ZNF384: variants seen among roughly 807,000 people sequenced by gnomAD.
ZNF384 encodes CAG repeat protein 1.
In ZNF384, 20 loss-of-function variants were observed where a neutral mutation model predicts 65.0. That is an observed-to-expected ratio of 0.31 (90% CI 0.22 to 0.45). The LOEUF (loss-of-function observed/expected upper bound fraction) is 0.45. Ranked by LOEUF, ZNF384 falls within the 20% of genes least tolerant of loss-of-function variation. The pLI is 1.00. For missense variants in ZNF384, 549 were observed against 769.4 expected (o/e 0.71, Z 3.39); for synonymous variants, 310 against 303.9 (o/e 1.02, Z -0.21).
Position 6,666,898 on chromosome 12 carries a change from T to G in ZNF384, c.*816A>C, listed in dbSNP as rs1052119914. On this transcript the variant is annotated 3_prime_UTR_variant, in exon 12 of 12. Transcript: ENST00000683879. ...CTAAGTCCAGTCCTTGCGTTTGCCTTGAACTCTCCCTTCTCCGCAACACCC... is the reference window on the plus strand; with the variant it reads ...CTAAGTCCAGTCCTTGCGTTTGCCTGGAACTCTCCCTTCTCCGCAACACCC... 5.2e-6 allele frequency: 1 copy of G among 192,808 alleles called. No individual in the cohort carries two copies. Among genetic ancestry groups the G allele is most frequent in the Non-Finnish European group, 1.1e-5 (1 of 92,326 alleles). The allele number at this position is 192,808 out of a possible 1,614,324, so 11.9% of individuals were successfully genotyped here.
chr12:6,686,965 A>G (rs527711574), intron 2 of ZNF384, among the ~76,000 whole-genome samples: 62 of 152,372 alleles, frequency 4.1e-4, no homozygotes, highest in African/African-American at 1.4e-3. Context: ...AAAGAACTTA[A>G]GACGCTATTG....
chr12:6,679,208 A>G, intron 3 of ZNF384, 25 bp from the exon 4 acceptor site: 2 of 1,544,278 alleles, frequency 1.3e-6, no homozygotes, highest in Non-Finnish European at 1.8e-6. Context: ...AGGGGACGGG[A>G]GCACCCTCTT....
At position 6,688,913 on chromosome 12, in the gene ZNF384, G is replaced by A. The variant is rs181873396; in HGVS notation, c.-66+185C>T. On this transcript the variant is annotated intron_variant, in intron 1 of 11. Transcript: ENST00000683879. ...CTGAACTCTGCCACCCACCAGACAG[G>A]CACCCGCCCCCTAAACCCCCCCATT... 2.3e-3 allele frequency: 356 copies of A among 152,808 alleles called. 1 individual carries two copies. The highest frequency in any genetic ancestry group is 9.9e-3 in the Middle Eastern group (3 of 302). The allele number at this position is 152,808 out of a possible 1,614,324, so 9.5% of individuals were successfully genotyped here. A position where few individuals can be genotyped will look rare whatever the true frequency, so the allele number is the denominator to read the frequency against.
intron 2 of ZNF384, among the ~76,000 whole-genome samples, chr12:6,687,726 A>G (rs1958471581): frequency 6.6e-6 from 1 of 151,950 alleles, no homozygotes; most frequent in Non-Finnish European, 1.5e-5. Context: ...CCACAGACCC[A>G]CTTCTAACAC....
chr12:6,682,829 A>G (rs745908907), intron 2 of ZNF384, among the ~76,000 whole-genome samples: 2 of 152,220 alleles, frequency 1.3e-5, no homozygotes, highest in Admixed American at 6.5e-5. Context: ...CCTAAGACAC[A>G]ATTACATATT....
rs1951963131 is a variant in ZNF384, at chr12:6,672,654, CA to C, written c.1005-123del. 10 of 921,908 alleles carry C rather than the reference CA, an allele frequency of 1.1e-5. No individual in the cohort carries two copies. Among genetic ancestry groups the C allele is most frequent in the Non-Finnish European group, 1.6e-5 (10 of 608,082 alleles). The allele number at this position is 921,908 out of a possible 1,614,324, so 57.1% of individuals were successfully genotyped here. A position where few individuals can be genotyped will look rare whatever the true frequency, so the allele number is the denominator to read the frequency against. On this transcript the variant is annotated intron_variant, in intron 8 of 11. Coordinates refer to ENST00000683879, the MANE Select transcript of ZNF384 (RefSeq NM_001385745.1). This position sits in a 1 kb window ranked among gnomAD's most constrained non-coding sequence, Gnocchi z 4.4. ...AGAGCACCCCCTTCCTCCCTCCTCC[CA>C]AAAACACTCCAGCCTGGATAGGCAA...
Position 6,673,914 on chromosome 12 carries a change from C to T in ZNF384, c.780-474G>A, listed in dbSNP as rs146046138. ...CCTGTCTCCATAGATAATTTTCTTC[C>T]CTCAGATTTTCCCCTACTTCCTTTT... On this transcript the variant is annotated intron_variant, in intron 7 of 11. Transcript: ENST00000683879. The surrounding 1 kb of genome is among the most constrained non-coding windows in gnomAD (Gnocchi z 4.7). Among the ~76,000 whole-genome samples, 18 of 152,104 alleles carry T rather than the reference C, an allele frequency of 1.2e-4. No individual in the cohort carries two copies. The East Asian group carries it at 3.5e-3, about 29-fold the overall frequency.
Position 6,678,024 on chromosome 12 carries a change from G to A in ZNF384, c.686+103C>T. ...GCAAGTGGCTCAGAGCTGGGAAGCT[G>A]TCAGAGTGTAGCGCCTGACCGGGGC... On this transcript the variant is annotated intron_variant, in intron 6 of 11. Transcript: ENST00000683879. The surrounding 1 kb of genome is among the most constrained non-coding windows in gnomAD (Gnocchi z 4.9). The A allele has an allele frequency of 1.8e-6, 2 of 1,117,796 alleles. No individual in the cohort carries two copies. The highest frequency in any genetic ancestry group is 1.3e-6 in the Non-Finnish European group (1 of 774,504). The allele number at this position is 1,117,796 out of a possible 1,614,324, so 69.2% of individuals were successfully genotyped here. A position where few individuals can be genotyped will look rare whatever the true frequency, so the allele number is the denominator to read the frequency against.
intron 2 of ZNF384, 60 bp from the exon 3 acceptor site, chr12:6,679,585 T>C: frequency 7.2e-7 from 1 of 1,388,310 alleles, no homozygotes; most frequent in East Asian, 2.4e-5. Context: ...AGCTAAGCAA[T>C]GGAGAAGGGG....
chr12:6,680,611 C>T (rs1223253117), intron 2 of ZNF384, among the ~76,000 whole-genome samples: 2 of 150,798 alleles, frequency 1.3e-5, no homozygotes, highest in African/African-American at 4.9e-5. Context: ...CGCGCCACTG[C>T]ACTCTAGCCT....
At position 6,672,962 on chromosome 12, in the gene ZNF384, CAGA is replaced by C. The variant is rs1191036588; in HGVS notation, c.1004+251_1004+253del. On this transcript the variant is annotated intron_variant, in intron 8 of 11. Coordinates refer to ENST00000683879, the MANE Select transcript of ZNF384 (RefSeq NM_001385745.1). This position sits in a 1 kb window ranked among gnomAD's most constrained non-coding sequence, Gnocchi z 4.4. ...ATATAGTAAAAGCAGGCCTGCTCTG[CAGA>C]AGATTTCCAAACACAGACACAGAGA... 1.5e-5 allele frequency: 8 copies of C among 522,684 alleles called. No individual in the cohort carries two copies. The highest frequency in any genetic ancestry group is 9.5e-5 in the African/African-American group (5 of 52,444). The allele number at this position is 522,684 out of a possible 1,614,324, so 32.4% of individuals were successfully genotyped here. A position where few individuals can be genotyped will look rare whatever the true frequency, so the allele number is the denominator to read the frequency against.
rs541651936 is a variant in ZNF384 at position 6,667,267 on chromosome 12, C to T, written c.*447G>A. On this transcript the variant is annotated 3_prime_UTR_variant, in exon 12 of 12. Transcript: ENST00000683879. ...TGAGAAACCTCTGTTCTTTTGCAGG[C>T]AAGAATAGAACAAGAGGCTGGTTGC... is the stretch of plus-strand genomic sequence containing the variant. The T allele has an allele frequency of 3.1e-6, 1 of 325,912 alleles. No individual in the cohort carries two copies. The highest frequency in any genetic ancestry group is 2.1e-5 in the African/African-American group (1 of 48,758). The allele number at this position is 325,912 out of a possible 1,614,324, so 20.2% of individuals were successfully genotyped here.
Position 6,679,201 on chromosome 12 carries a change from G to A in ZNF384, c.67-18C>T, listed in dbSNP as rs1954917747. ...TTCTCGATCTAAGAGAAAAGGAAGG[G>A]GACGGGAGCACCCTCTTCAGCCTGA... On this transcript the variant is annotated intron_variant, in intron 3 of 11. Coordinates refer to ENST00000683879, the MANE Select transcript of ZNF384 (RefSeq NM_001385745.1). 1 of 1,550,698 alleles carries A rather than the reference G, an allele frequency of 6.4e-7. No individual in the cohort carries two copies. Among genetic ancestry groups the A allele is most frequent in the African/African-American group, 1.4e-5 (1 of 73,186 alleles).
intron 2 of ZNF384, among the ~76,000 whole-genome samples, chr12:6,685,600 C>T (rs562621415): frequency 1.3e-4 from 20 of 151,796 alleles, no homozygotes; most frequent in African/African-American, 4.1e-4. Flanking sequence ...TGGTGAAATC[C>T]CATCTCTACT....
intron 2 of ZNF384, among the ~76,000 whole-genome samples, chr12:6,683,303 A>G (rs1057138184): frequency 6.6e-6 from 1 of 151,882 alleles, no homozygotes; most frequent in East Asian, 1.9e-4. Context: ...AAAAAATAAA[A>G]TAAAATAAAA....
At position 6,679,670 on chromosome 12, in the gene ZNF384, C is replaced by T. The variant is rs530546116; in HGVS notation, c.-5-145G>A. On this transcript the variant is annotated intron_variant, in intron 2 of 11. Transcript: ENST00000683879. ...CTGGCAGTCAAGACTTAGTGTCTAGCACATTAGTCCCTTGGTCAGAGCCCC... is the reference window on the plus strand; with the variant it reads ...CTGGCAGTCAAGACTTAGTGTCTAGTACATTAGTCCCTTGGTCAGAGCCCC... The T allele has an allele frequency of 4.9e-4, 306 of 630,496 alleles. 2 individuals carry two copies. The highest frequency in any genetic ancestry group is 7.3e-4 in the Non-Finnish European group (256 of 350,954). 39.1% of individuals were successfully genotyped at this position (630,496 alleles called of 1,614,324 possible).
chr12:6,667,857 C>A lies in ZNF384; in HGVS notation c.1684G>T (p.Gly562Trp). Residue 562 changes from glycine (G) to tryptophan (W), a missense_variant, in exon 12 of 12, where the codon GGG becomes TGG. This residue lies in a region of ZNF384 where 136 missense variants were observed against 183.0 expected (regional missense o/e 0.74). Transcript: ENST00000683879. ...TTGGGATTGCTGTCCCCACCACCCC[C>A]ACCCTGGGGGGCTGCCCCAGGAGAC... ...FQSPGAAPQGGGGGDSNPNPP... is the reference protein window; with the variant it reads ...FQSPGAAPQGWGGGDSNPNPP... 1 of 1,614,200 alleles carries A rather than the reference C, an allele frequency of 6.2e-7. No homozygotes were observed. The highest frequency in any genetic ancestry group is 8.5e-7 in the Non-Finnish European group (1 of 1,180,028).
intron 7 of ZNF384, among the ~76,000 whole-genome samples, chr12:6,675,961 ATGGCTGACC>A (rs1785392048): frequency 6.6e-6 from 1 of 152,204 alleles, no homozygotes; most frequent in Non-Finnish European, 1.5e-5. Context: ...TGAAGAGGGT[ATGGCTGACC>A]CACACATGCA....
rs1950055383 is a variant in ZNF384, at chr12:6,667,634, G to A, written c.*80C>T. On this transcript the variant is annotated 3_prime_UTR_variant, in exon 12 of 12. Coordinates refer to ENST00000683879, the MANE Select transcript of ZNF384 (RefSeq NM_001385745.1). The stretch of plus-strand genomic sequence containing the variant: ...AGCCAAGGCCTGTCAAGGAAGAAAA[G>A]GACTTTTCCCACCAAGAGTTGGAGA... 1.3e-6 allele frequency: 2 copies of A among 1,593,868 alleles called. No homozygotes were observed. Among genetic ancestry groups the A allele is most frequent in the South Asian group, 1.1e-5 (1 of 90,350 alleles).
Sources: allele counts gnomAD v4.1 joint callset (sites outside exome capture counted in the v4.1 genomes callset), GRCh38; gene constraint gnomAD v4.1.1; regional missense constraint gnomAD v4.1.1; non-coding constraint Gnocchi (gnomAD v3.1); transcripts MANE v1.5; gene names NCBI Gene and HGNC (gene_info 2026-07-23, HGNC 2026-07-21).